Variants in KIAA1549L observed in about 807,000 individuals in gnomAD.
The protein encoded by KIAA1549L is KIAA1549 like, also known as UPF0606 protein KIAA1549L.
KIAA1549L carries 88 observed loss-of-function variants against 160.7 expected under a neutral mutation model. The ratio of observed to expected loss-of-function variants is 0.55; its 90% CI spans 0.46 to 0.65. KIAA1549L has a LOEUF of 0.65. Ranked by LOEUF, KIAA1549L falls within the 30% of genes least tolerant of loss-of-function variation. The pLI, the probability that KIAA1549L is intolerant of heterozygous loss-of-function variation, is 0.00. For synonymous variants in KIAA1549L, 950 were observed against 976.7 expected, an observed-to-expected ratio of 0.97 and a Z score of 0.51; for missense variants, 2,258 against 2,437.5, an observed-to-expected ratio of 0.93 and a Z score of 1.55.
intron 12 of KIAA1549L, among the ~76,000 whole-genome samples, chr11:33,596,600 A>T (rs377134917): frequency 6.6e-6 from 1 of 152,144 alleles, no homozygotes; most frequent in African/African-American, 2.4e-5. Context: ...TTAGCCTGGC[A>T]TGGCGGCGGG....
In KIAA1549L at chr11:33,605,682, C is replaced by G. The variant is rs565550583; in HGVS notation, c.4880-959C>G. Among the ~76,000 whole-genome samples, 4 of 152,278 alleles carry G rather than the reference C, an allele frequency of 2.6e-5. No homozygotes were observed. In the East Asian group the frequency reaches 7.7e-4, roughly 29 times the overall value. ...ATAACATCCCAATCTCTCAAGCAGACAGGAGGAAAGATGAATACACTGCTA... is the reference window on the plus strand; with the variant it reads ...ATAACATCCCAATCTCTCAAGCAGAGAGGAGGAAAGATGAATACACTGCTA... On this transcript the variant is annotated intron_variant, in intron 13 of 20. Transcript: ENST00000658780.
intron 1 of KIAA1549L, among the ~76,000 whole-genome samples, chr11:33,391,708 C>T (rs565310198): frequency 3.9e-5 from 6 of 152,152 alleles, no homozygotes; most frequent in Non-Finnish European, 7.3e-5. Flanking sequence ...CACAACGGGT[C>T]GTGTTGGTCA....
At position 33,633,139 on chromosome 11, in the gene KIAA1549L, C is replaced by CTTTTTTT. The variant is rs56310347; in HGVS notation, c.5410-12522_5410-12516dup. ...GACAGGTGCCCACCACCATGCCCAG[C>CTTTTTTT]TTTTTTTTTTTTTTTTTTTTTTTTT... On this transcript the variant is annotated intron_variant, in intron 16 of 20. Transcript: ENST00000658780. Among the ~76,000 whole-genome samples, 193 of 50,736 alleles carry CTTTTTTT rather than the reference C, an allele frequency of 3.8e-3. 4 individuals are homozygous for CTTTTTTT. Among genetic ancestry groups the CTTTTTTT allele is most frequent in the African/African-American group, 9.3e-3 (110 of 11,774 alleles). 33.3% of individuals were successfully genotyped at this position (50,736 alleles called of 152,430 possible).
intron 16 of KIAA1549L, among the ~76,000 whole-genome samples, chr11:33,632,298 T>TG (rs1280345804): frequency 1.3e-5 from 2 of 152,196 alleles, no homozygotes; most frequent in Admixed American, 1.3e-4. Flanking sequence ...TATGGACCAG[T>TG]GCAAGAGGGA....
At chr11:33,415,646 G>A (rs987386362) in intron 1 of KIAA1549L, among the ~76,000 whole-genome samples, 4 of 152,080 alleles carry the variant, frequency 2.6e-5, no homozygotes, top group African/African-American at 9.7e-5. Flanking sequence ...CTGCGCAGGT[G>A]GATACGGTCA....
chr11:33,583,576 T>C, intron 11 of KIAA1549L, 75 bp downstream of exon 11: 1 of 1,349,724 alleles, frequency 7.4e-7, no homozygotes, highest in Non-Finnish European at 1.0e-6. Flanking sequence ...CTCTTGCCTT[T>C]TGAGGCCATT....
intron 1 of KIAA1549L, among the ~76,000 whole-genome samples, chr11:33,398,540 G>A (rs1850432369): frequency 6.6e-6 from 1 of 152,188 alleles, no homozygotes; most frequent in Non-Finnish European, 1.5e-5. Flanking sequence ...AGTTTGGTAG[G>A]TGATGGGTTG....
intron 1 of KIAA1549L, among the ~76,000 whole-genome samples, chr11:33,463,522 C>T (rs116406582): frequency 5.5e-4 from 83 of 152,278 alleles, no homozygotes; most frequent in African/African-American, 1.9e-3. Context: ...CCCACATGTT[C>T]TTGTACCAAG....
intron 1 of KIAA1549L, among the ~76,000 whole-genome samples, chr11:33,409,912 T>G (rs938805391): frequency 6.6e-6 from 1 of 152,158 alleles, no homozygotes; most frequent in Non-Finnish European, 1.5e-5. Context: ...GGACAAATAC[T>G]TAAAACAGTC....
chr11:33,618,686 A>G (rs778293567), intron 16 of KIAA1549L, 24 bp downstream of exon 16: 8 of 1,536,788 alleles, frequency 5.2e-6, no homozygotes, highest in Admixed American at 4.0e-5. Flanking sequence ...GGGCTGGGTA[A>G]ATACAAGCTT....
intron 1 of KIAA1549L, among the ~76,000 whole-genome samples, chr11:33,435,055 A>G (rs892341801): frequency 3.3e-5 from 5 of 152,238 alleles, no homozygotes; most frequent in African/African-American, 1.2e-4. Flanking sequence ...TGATCATTTT[A>G]TTTCCTAGAA....
intron 1 of KIAA1549L, among the ~76,000 whole-genome samples, chr11:33,395,729 T>A (rs1850360526): frequency 6.6e-6 from 1 of 152,108 alleles, no homozygotes; most frequent in African/African-American, 2.4e-5. Context: ...TACCTCAAGA[T>A]AAGATTTTTT....
intron 1 of KIAA1549L, among the ~76,000 whole-genome samples, chr11:33,453,243 G>T (rs769633792): frequency 6.6e-6 from 1 of 152,194 alleles, no homozygotes; most frequent in Non-Finnish European, 1.5e-5. Context: ...TTTCTGAAAA[G>T]AACATCTGTA....
chr11:33,500,500 A>G (rs1161992575), intron 1 of KIAA1549L, among the ~76,000 whole-genome samples: 1 of 152,218 alleles, frequency 6.6e-6, no homozygotes. Context: ...AAATACAGGA[A>G]TTGCTGTGGA....
At position 33,613,292 on chromosome 11, in the gene KIAA1549L, C is replaced by G. The variant is rs376733597; in HGVS notation, c.5279+3326C>G. 9.8e-5 allele frequency among the ~76,000 whole-genome samples: 15 copies of G among 152,298 alleles called. No homozygotes were observed. The East Asian group carries it at 2.1e-3, about 22-fold the overall frequency. On this transcript the variant is annotated intron_variant, in intron 15 of 20. Coordinates refer to ENST00000658780, the MANE Select transcript of KIAA1549L (RefSeq NM_012194.3). ...CTATTTTTTGACTTTTTAATCATAGCCATTCTTACTGGTATGAGATGGTAC... is the reference window on the plus strand; with the variant it reads ...CTATTTTTTGACTTTTTAATCATAGGCATTCTTACTGGTATGAGATGGTAC...
Position 33,591,257 on chromosome 11 carries a change from T to C in KIAA1549L, c.4587T>C (p.Tyr1529=). 6.2e-7 allele frequency: 1 copy of C among 1,612,844 alleles called. No individual in the cohort carries two copies. The highest frequency in any genetic ancestry group is 1.3e-5 in the African/African-American group (1 of 75,044). ...QRAKPVQGFD[Y]AKQHLGQQGA... ...TGCAGCCTGTGCAAGGCTTTGATTA[T>C]GCCAAGCAACACCTGGGCCAGCAAG... Residue 1529 remains tyrosine, a synonymous_variant, in exon 12 of 21, where the codon TAT becomes TAC. Coordinates refer to ENST00000658780, the MANE Select transcript of KIAA1549L (RefSeq NM_012194.3).
chr11:33,588,340 G>A (rs1275920717), intron 11 of KIAA1549L, among the ~76,000 whole-genome samples: 5 of 152,198 alleles, frequency 3.3e-5, no homozygotes, highest in Admixed American at 6.5e-5. Context: ...AACAGGACAT[G>A]AAACTGGGCA....
Position 33,440,208 on chromosome 11 carries a change from C to T in KIAA1549L, c.238+63319C>T, listed in dbSNP as rs1851471250. Among the ~76,000 whole-genome samples the T allele has an allele frequency of 2.9e-5, 4 of 136,548 alleles. No individual in the cohort carries two copies. The South Asian group carries it at 9.9e-4, about 34-fold the overall frequency. 89.6% of individuals were successfully genotyped at this position (136,548 alleles called of 152,430 possible). The stretch of plus-strand genomic sequence containing the variant: ...GCAGTGGCGGGATCTCGGCTCATTG[C>T]AAGCTCCACCTCCCGGGTTCACGCC... On this transcript the variant is annotated intron_variant, in intron 1 of 20. Transcript: ENST00000658780.
intron 1 of KIAA1549L, among the ~76,000 whole-genome samples, chr11:33,474,087 G>A (rs1852236482): frequency 6.6e-6 from 1 of 152,096 alleles, no homozygotes; most frequent in South Asian, 2.1e-4. Context: ...ACAACCAGCT[G>A]TCTCCTGCAC....
Sources: gnomAD v4.1 joint callset for allele counts (sites outside exome capture counted in the v4.1 genomes callset) on GRCh38, gnomAD v4.1.1 for gene constraint, MANE v1.5 for transcripts, NCBI Gene and HGNC (gene_info 2026-07-23, HGNC 2026-07-21) for gene names.